RPS6KA5: variants seen among roughly 807,000 people sequenced by gnomAD.
RPS6KA5 encodes the protein ribosomal protein S6 kinase A5, also known as ribosomal protein S6 kinase alpha-5.
RPS6KA5 carries 27 observed loss-of-function variants against 85.5 expected under a neutral mutation model. The observed-to-expected ratio is 0.32, with a 90% CI of 0.23 to 0.44. The LOEUF (loss-of-function observed/expected upper bound fraction) is 0.44. Among genes scored for constraint, RPS6KA5 ranks in the 20% least tolerant of loss-of-function variants. The pLI, the probability that RPS6KA5 is intolerant of heterozygous loss-of-function variation, is 1.00. For synonymous variants in RPS6KA5, 334 were observed against 348.2 expected (o/e 0.96, Z 0.46); for missense variants, 811 against 980.9 (o/e 0.83, Z 2.31).
intron 1 of RPS6KA5, among the ~76,000 whole-genome samples, chr14:91,001,534 C>T (rs1263827515): frequency 6.6e-6 from 1 of 152,108 alleles, no homozygotes; most frequent in Non-Finnish European, 1.5e-5. Context: ...ATTCGACAAA[C>T]ATTTACTGAG....
At position 90,920,275 on chromosome 14, in the gene RPS6KA5, T is replaced by C. The variant is rs1455680711; in HGVS notation, c.737A>G (p.Tyr246Cys). The C allele has an allele frequency of 1.2e-6, 2 of 1,612,552 alleles. No homozygotes were observed. The highest frequency in any genetic ancestry group is 2.7e-5 in the African/African-American group (2 of 74,858). Residue 246 changes from tyrosine (Y) to cysteine (C), a missense_variant, in exon 7 of 17, where the codon TAT becomes TGT. By Grantham distance (194) the Tyr-to-Cys change is radical. Coordinates refer to ENST00000614987, the MANE Select transcript of RPS6KA5 (RefSeq NM_004755.4). ...AGGAGATGCTCCAGTTAGTAATTCA[T>C]ACATTAGAACACCCAAACTCCACCA... ...VDWWSLGVLM[Y>C]ELLTGASPFT...
chr14:91,028,946 T>A (rs995086904), intron 1 of RPS6KA5, among the ~76,000 whole-genome samples: 1 of 152,238 alleles, frequency 6.6e-6, no homozygotes, highest in African/African-American at 2.4e-5. Context: ...ACATCTGAAG[T>A]AATATATCTG....
intron 1 of RPS6KA5, among the ~76,000 whole-genome samples, chr14:91,034,114 C>T (rs1209249085): frequency 6.6e-6 from 1 of 152,018 alleles, no homozygotes; most frequent in South Asian, 2.1e-4. Context: ...AGAGACCAGC[C>T]TGGGCAACAC....
At chr14:90,954,324 G>A (rs188405155) in intron 3 of RPS6KA5, among the ~76,000 whole-genome samples, 27 of 152,302 alleles carry the variant, frequency 1.8e-4, no homozygotes, top group Admixed American at 1.2e-3. Context: ...GTGAAGAACT[G>A]GTAATTCTTC....
At chr14:90,912,953 C>T (rs1397962573) in intron 7 of RPS6KA5, among the ~76,000 whole-genome samples, 1 of 143,144 alleles carries the variant, frequency 7.0e-6, no homozygotes, top group Non-Finnish European at 1.5e-5. Flanking sequence ...CTCTGTTGCC[C>T]AGGCTGGAGT....
At chr14:90,978,222 A>T in intron 3 of RPS6KA5, 84 bp downstream of exon 3, 1 of 953,028 alleles carries the variant, frequency 1.0e-6, no homozygotes, top group South Asian at 1.9e-5. Flanking sequence ...CTAAGTCCAT[A>T]GTATCTTGCC....
intron 14 of RPS6KA5, among the ~76,000 whole-genome samples, chr14:90,882,126 T>C (rs1470588759): frequency 4.6e-5 from 7 of 152,220 alleles, no homozygotes; most frequent in Non-Finnish European, 1.0e-4. Context: ...TAAATTCCTT[T>C]CTTTTTTCTT....
intron 7 of RPS6KA5, among the ~76,000 whole-genome samples, chr14:90,918,976 T>C (rs890094988): frequency 6.8e-6 from 1 of 148,106 alleles, no homozygotes; most frequent in African/African-American, 2.4e-5. Context: ...TGTCAATTTC[T>C]AAAGAAAAAA....
chr14:91,054,134 T>C (rs946263819), intron 1 of RPS6KA5, among the ~76,000 whole-genome samples: 1 of 152,156 alleles, frequency 6.6e-6, no homozygotes, highest in Non-Finnish European at 1.5e-5. Flanking sequence ...CAATTGGATA[T>C]TTACATGCAG....
chr14:90,936,728 T>C (rs1264680264), intron 5 of RPS6KA5, among the ~76,000 whole-genome samples: 1 of 152,030 alleles, frequency 6.6e-6, no homozygotes, highest in African/African-American at 2.4e-5. Context: ...AATTACTAAA[T>C]TAATATATAT....
intron 1 of RPS6KA5, among the ~76,000 whole-genome samples, chr14:91,035,881 A>AC (rs1312390142): frequency 7.6e-6 from 1 of 131,636 alleles, no homozygotes; most frequent in African/African-American, 3.2e-5. Flanking sequence ...AAAAAAAAAA[A>AC]CCCCAAAGCT....
intron 3 of RPS6KA5, 133 bp from the exon 4 acceptor site, chr14:90,947,683 A>G (rs924832207): frequency 3.3e-4 from 184 of 557,864 alleles, no homozygotes; most frequent in African/African-American, 2.6e-3. Flanking sequence ...AGCATACAGT[A>G]TCATGTAGAT....
chr14:90,982,393 T>C (rs2039833078), intron 2 of RPS6KA5, among the ~76,000 whole-genome samples: 1 of 152,132 alleles, frequency 6.6e-6, no homozygotes, highest in Non-Finnish European at 1.5e-5. Context: ...GGCTAGAAGT[T>C]TGAGACAGCA....
At position 90,869,367 on chromosome 14, in the gene RPS6KA5, G is replaced by A. The variant is rs371174032; in HGVS notation, c.*2707C>T. On this transcript the variant is annotated 3_prime_UTR_variant, in exon 17 of 17. Transcript: ENST00000614987. ...GCTAATTAACCTCTTTCAGACACACGATCTGGCAGAGTAATTAGAAGAAAC... is the reference window on the plus strand; with the variant it reads ...GCTAATTAACCTCTTTCAGACACACAATCTGGCAGAGTAATTAGAAGAAAC... 3.9e-5 allele frequency: 6 copies of A among 152,082 alleles called. No individual in the cohort carries two copies. The highest frequency in any genetic ancestry group is 7.4e-5 in the Non-Finnish European group (5 of 68,006). 9.4% of individuals were successfully genotyped at this position (152,082 alleles called of 1,614,324 possible). A position where few individuals can be genotyped will look rare whatever the true frequency, so the allele number is the denominator to read the frequency against.
Position 90,867,802 on chromosome 14 carries a change from C to T in RPS6KA5, c.*4272G>A, listed in dbSNP as rs974169393. On this transcript the variant is annotated 3_prime_UTR_variant, in exon 17 of 17. Transcript: ENST00000614987. ...GCCACTTTAGTTTCTTATTCCTTTT[C>T]ACCCTAATAGTAGGAAAATATTAGG... The T allele has an allele frequency of 6.6e-6, 1 of 152,180 alleles. No individual in the cohort carries two copies. Among genetic ancestry groups the T allele is most frequent in the Non-Finnish European group, 1.5e-5 (1 of 68,014 alleles). The allele number at this position is 152,180 out of a possible 1,614,324, so 9.4% of individuals were successfully genotyped here.
intron 6 of RPS6KA5, among the ~76,000 whole-genome samples, chr14:90,922,693 T>A (rs902766163): frequency 6.6e-6 from 1 of 152,156 alleles, no homozygotes; most frequent in African/African-American, 2.4e-5. Flanking sequence ...AGGTGATCCA[T>A]CCACCTTGGC....
At chr14:91,028,031 T>A (rs1192569474) in intron 1 of RPS6KA5, among the ~76,000 whole-genome samples, 5 of 152,174 alleles carry the variant, frequency 3.3e-5, no homozygotes, top group Non-Finnish European at 7.3e-5. Context: ...AAATCAAACA[T>A]ATCAAGTTCT....
At chr14:91,059,118 G>A (rs1037656910) in intron 1 of RPS6KA5, among the ~76,000 whole-genome samples, 1 of 151,962 alleles carries the variant, frequency 6.6e-6, no homozygotes, top group African/African-American at 2.4e-5. Flanking sequence ...ACTTGAGGTC[G>A]GGAGTTCGCG....
At chr14:91,047,260 C>T (rs2042913492) in intron 1 of RPS6KA5, among the ~76,000 whole-genome samples, 1 of 152,166 alleles carries the variant, frequency 6.6e-6, no homozygotes, top group Admixed American at 6.5e-5. Flanking sequence ...GCACAAAACA[C>T]TGCCAGGATA....
Sources: gnomAD v4.1 joint callset for allele counts (sites outside exome capture counted in the v4.1 genomes callset) on GRCh38, gnomAD v4.1.1 for gene constraint, MANE v1.5 for transcripts, NCBI Gene and HGNC (gene_info 2026-07-23, HGNC 2026-07-21) for gene names.